The following MST1 variants were observed in gnomAD, a reference collection of about 807,000 sequenced individuals.
The protein encoded by MST1 is hepatocyte growth factor-like protein.
In MST1, 76 loss-of-function variants were observed where a neutral mutation model predicts 100.1. That is an observed-to-expected ratio of 0.76 (90% CI 0.63 to 0.92). The LOEUF is 0.92. MST1 is among the 40% of genes least tolerant of loss of function. The probability of loss-of-function intolerance (pLI) is 0.00; values close to 1 mark genes in which losing one functional copy is unlikely to be tolerated. For missense variants in MST1, 850 were observed against 990.0 expected (o/e 0.86, Z 1.90); for synonymous variants, 352 against 385.4 (o/e 0.91, Z 1.01).
chr3:49,684,797 T>A lies in MST1; in HGVS notation c.1710A>T (p.Pro570=), dbSNP rs1252635715. ...QHGEPSLQRV[P]VAKMVCGPSG... ...AGGGCCCACACACCATCTTGGCTAC[T>A]GGGACCCGCTGTAGGCTTGGCTCTC... Residue 570 remains proline (P), a synonymous_variant, in exon 15 of 18, where the codon CCA becomes CCT. Transcript: ENST00000449682. 1 of 1,613,520 alleles carries A rather than the reference T, an allele frequency of 6.2e-7. No individual in the cohort carries two copies. Among genetic ancestry groups the A allele is most frequent in the Non-Finnish European group, 8.5e-7 (1 of 1,179,866 alleles).
chr3:49,685,123 C>T, intron 13 of MST1, 34 bp from the exon 14 acceptor site: 1 of 1,604,946 alleles, frequency 6.2e-7, no homozygotes, highest in African/African-American at 1.3e-5. Context: ...AGGTAACAGA[C>T]TCCTGGGACA....
chr3:49,686,256 C>A (rs1265486988), intron 8 of MST1, 57 bp downstream of exon 8: 2 of 1,608,004 alleles, frequency 1.2e-6, no homozygotes, highest in Non-Finnish European at 8.5e-7. Flanking sequence ...TGACTACCTT[C>A]CTCCCGTCTC....
In MST1 at chr3:49,687,257, C is replaced by G. The variant is rs1177921840; in HGVS notation, c.499G>C (p.Glu167Gln). The G allele has an allele frequency of 1.9e-6, 3 of 1,613,518 alleles. No individual in the cohort carries two copies. The highest frequency in any genetic ancestry group is 2.5e-6 in the Non-Finnish European group (3 of 1,179,874). ...KYTPTLRNGL[E>Q]ENFCRNPDGD... ...TCAGGGTTACGGCAGAAGTTCTCTTCCAGGCCATTCCGGAGAGTGGGCGTG... is the reference window on the plus strand; with the variant it reads ...TCAGGGTTACGGCAGAAGTTCTCTTGCAGGCCATTCCGGAGAGTGGGCGTG... The change falls in exon 5 of 18, where the codon GAA becomes CAA. Residue 167 changes from glutamate to glutamine, a missense_variant. Around this residue, in one of 2 missense-constraint regions of MST1, gnomAD observed 816 missense variants for 924.6 expected, o/e 0.88. Transcript: ENST00000449682.
At position 49,687,447 on chromosome 3, in the gene MST1, C is replaced by G. The variant is rs1455569877; in HGVS notation, c.387G>C (p.Gly129=). Residue 129 remains glycine, a synonymous_variant, in exon 4 of 18, where the codon GGG becomes GGC. Coordinates refer to ENST00000449682, the MANE Select transcript of MST1 (RefSeq NM_020998.4). ...DYVRTCIMNN[G]VGYRGTMATT... ...TGGCCATGGTGCCCCGGTACCCAAC[C>G]CCATTGTTCATGATGCAGGTCCGTA... 12 of 1,613,312 alleles carry G rather than the reference C, an allele frequency of 7.4e-6. No homozygotes were observed. The African/African-American group carries it at 1.2e-4, about 16-fold the overall frequency.
In MST1 at chr3:49,684,099, G is replaced by C; in HGVS notation, c.2107C>G (p.Arg703Gly). ...ACACGCGTGAAGACAGCTGGCCAGC[G>C]GGACCTTGCGCATACTCGGTTGGGG... Reference protein sequence around the residue: ...IIPNRVCARSRWPAVFTRVSV... With the variant: ...IIPNRVCARSGWPAVFTRVSV... The change falls in exon 18 of 18, where the codon CGC becomes GGC. Residue 703 changes from arginine to glycine, a missense_variant. Physicochemically the swap from Arg to Gly is moderately radical, Grantham distance 125. Coordinates refer to ENST00000449682, the MANE Select transcript of MST1 (RefSeq NM_020998.4). 6.2e-7 allele frequency: 1 copy of C among 1,612,866 alleles called. No homozygotes were observed.
In MST1 at chr3:49,687,014, C is replaced by G. The variant is rs1318667322; in HGVS notation, c.661G>C (p.Glu221Gln). 1 of 1,611,512 alleles carries G rather than the reference C, an allele frequency of 6.2e-7. No homozygotes were observed. The highest frequency in any genetic ancestry group is 1.7e-5 in the Admixed American group (1 of 60,024). The change falls in exon 6 of 18, where the codon GAG becomes CAG. Residue 221 changes from glutamate to glutamine, a missense_variant. Coordinates refer to ENST00000449682, the MANE Select transcript of MST1 (RefSeq NM_020998.4). ...CAGCGCTGGCACTCGCGCCCTGACT[C>G]CGTGCGGTCTACCGCGCCGCGGTAT... ...EEYRGAVDRT[E>Q]SGRECQRWDL...
Position 49,684,410 on chromosome 3 carries a change from G to A in MST1, c.1920C>T (p.Val640=), listed in dbSNP as rs752041648. ...TGATGTTACACTCCTGGTTGGAGAT[G>A]ACATTCAGCAAGGCCACATTTAGGA... The part of the protein sequence containing the change: ...DTVLNVALLN[V]ISNQECNIKH... Residue 640 remains valine, a synonymous_variant, in exon 17 of 18, where the codon GTC becomes GTT. Transcript: ENST00000449682. The A allele has an allele frequency of 1.9e-6, 3 of 1,613,456 alleles. No homozygotes were observed. In the Admixed American group the frequency reaches 5.0e-5, roughly 27 times the overall value.
Position 49,687,077 on chromosome 3 carries a change from A to G in MST1, c.608-10T>C. 2 of 1,612,522 alleles carry G rather than the reference A, an allele frequency of 1.2e-6. No homozygotes were observed. Among genetic ancestry groups the G allele is most frequent in the Non-Finnish European group, 8.5e-7 (1 of 1,179,728 alleles). Reference sequence around the variant, plus strand: ...CACCAGACACACGCGGCTGGAGACAAAGAGCCAGTGGGTTCGTGGATGGAC... The same window carrying G: ...CACCAGACACACGCGGCTGGAGACAGAGAGCCAGTGGGTTCGTGGATGGAC... On this transcript the variant is annotated splice_polypyrimidine_tract_variant and intron_variant, in intron 5 of 17. Coordinates refer to ENST00000449682, the MANE Select transcript of MST1 (RefSeq NM_020998.4).
chr3:49,685,329 G>A lies in MST1; in HGVS notation c.1477C>T (p.Arg493Cys), dbSNP rs150169514. ...CCCCCAACCACGCGCAGCTTGGAAC[G>A]CCGCTGATCCAGCCGATCCACCCTC... ...GKRVDRLDQRRSKLRVVGGHP... is the reference protein window; with the variant it reads ...GKRVDRLDQRCSKLRVVGGHP... Residue 493 changes from arginine to cysteine, a missense_variant, in exon 13 of 18, where the codon CGT (arginine) becomes TGT (cysteine). Around this residue, in one of 2 missense-constraint regions of MST1, gnomAD observed 816 missense variants for 924.6 expected, o/e 0.88. Coordinates refer to ENST00000449682, the MANE Select transcript of MST1 (RefSeq NM_020998.4). 104 of 1,613,334 alleles carry A rather than the reference G, an allele frequency of 6.4e-5. No homozygotes were observed. The African/African-American group carries it at 9.6e-4, about 15-fold the overall frequency.
chr3:49,686,933 C>G lies in MST1; in HGVS notation c.728+14G>C, dbSNP rs369198768. ...TAGCCCGGCCCCCAGGACGCCGATA[C>G]CGCCTACGCGTACTTGCCCGGCTCG... On this transcript the variant is annotated intron_variant, in intron 6 of 17. Transcript: ENST00000449682. 6.0e-5 allele frequency: 96 copies of G among 1,611,478 alleles called. No individual in the cohort carries two copies. The highest frequency in any genetic ancestry group is 7.5e-5 in the Non-Finnish European group (89 of 1,179,682).
Position 49,685,010 on chromosome 3 carries a change from A to T in MST1, c.1622+2T>A. The T allele has an allele frequency of 6.2e-7, 1 of 1,612,210 alleles. No individual in the cohort carries two copies. The highest frequency in any genetic ancestry group is 8.5e-7 in the Non-Finnish European group (1 of 1,179,330). ...GGGTCCCCAAACACAAGGGAGGCTC[A>T]CCAGGAGGAGAAGCACTGCCGGGCA... On this transcript the variant is annotated splice_donor_variant, in intron 14 of 17. Coordinates refer to ENST00000449682, the MANE Select transcript of MST1 (RefSeq NM_020998.4). LOFTEE classifies it high-confidence loss of function.
chr3:49,687,264 A>T lies in MST1; in HGVS notation c.492T>A (p.Asn164Lys), dbSNP rs2053853699. ...TACGGCAGAAGTTCTCTTCCAGGCC[A>T]TTCCGGAGAGTGGGCGTGTACCTGA... ...NDHKYTPTLR[N>K]GLEENFCRNP... Residue 164 changes from asparagine (N) to lysine (K), a missense_variant, in exon 5 of 18, where the codon AAT becomes AAA. Asn to Lys is a moderately conservative substitution (Grantham distance 94). Coordinates refer to ENST00000449682, the MANE Select transcript of MST1 (RefSeq NM_020998.4). 2 of 1,613,400 alleles carry T rather than the reference A, an allele frequency of 1.2e-6. No individual in the cohort carries two copies. Among genetic ancestry groups the T allele is most frequent in the Non-Finnish European group, 1.7e-6 (2 of 1,179,880 alleles).
chr3:49,688,836 G>A lies in MST1; in HGVS notation c.-145C>T. On this transcript the variant is annotated 5_prime_UTR_variant, in exon 1 of 18. Coordinates refer to ENST00000449682, the MANE Select transcript of MST1 (RefSeq NM_020998.4). ...CAGGTCCCATAGGTCAGTTGCAAGG[G>A]CCTAGTACAGCTTAGTGGACAGGTG... is the stretch of plus-strand genomic sequence containing the variant. 1.6e-6 allele frequency: 1 copy of A among 606,154 alleles called. No homozygotes were observed. Among genetic ancestry groups the A allele is most frequent in the Non-Finnish European group, 2.9e-6 (1 of 339,980 alleles). 37.5% of individuals were successfully genotyped at this position (606,154 alleles called of 1,614,324 possible). A position where few individuals can be genotyped will look rare whatever the true frequency, so the allele number is the denominator to read the frequency against.
Position 49,687,020 on chromosome 3 carries a change from G to A in MST1, c.655C>T (p.Arg219Cys), listed in dbSNP as rs778697677. ...TGGCACTCGCGCCCTGACTCCGTGC[G>A]GTCTACCGCGCCGCGGTATTCCTCG... ...NGEEYRGAVDRTESGRECQRW... is the reference protein window; with the variant it reads ...NGEEYRGAVDCTESGRECQRW... Residue 219 changes from arginine to cysteine, a missense_variant, in exon 6 of 18, where the codon CGC becomes TGC. Arg to Cys is a radical substitution (Grantham distance 180). Transcript: ENST00000449682. 6.2e-7 allele frequency: 1 copy of A among 1,611,514 alleles called. No homozygotes were observed. The highest frequency in any genetic ancestry group is 8.5e-7 in the Non-Finnish European group (1 of 1,179,830).
At chr3:49,685,569 C>G in intron 11 of MST1, 27 bp downstream of exon 11, 1 of 1,613,244 alleles carries the variant, frequency 6.2e-7, no homozygotes, top group Non-Finnish European at 8.5e-7. Context: ...GAGGCAGGGT[C>G]ATGGGGGAAG....
Position 49,685,084 on chromosome 3 carries a change from C to G in MST1, c.1550G>C (p.Gly517Ala), listed in dbSNP as rs1188323172. Residue 517 changes from glycine (G) to alanine (A), a missense_variant, in exon 14 of 18, where the codon GGC becomes GCC. By Grantham distance (60) the Gly-to-Ala change is moderately conservative. This residue lies in a region of MST1 where 816 missense variants were observed against 924.6 expected (regional missense o/e 0.88). Coordinates refer to ENST00000449682, the MANE Select transcript of MST1 (RefSeq NM_020998.4). The stretch of plus-strand genomic sequence containing the variant: ...TAGAGACCCCCCGCAGAAATGCTGG[C>G]CCTGCCTAGAGGAGTGGGGAATTAG... ...PWTVSLRNRQ[G>A]QHFCGGSLVK... The G allele has an allele frequency of 6.2e-7, 1 of 1,610,440 alleles. No individual in the cohort carries two copies. The highest frequency in any genetic ancestry group is 1.7e-5 in the Admixed American group (1 of 59,664).
intron 14 of MST1, 33 bp downstream of exon 14, chr3:49,684,979 G>T: frequency 1.2e-6 from 2 of 1,612,844 alleles, no homozygotes; most frequent in Non-Finnish European, 1.7e-6. Context: ...AAGGTGGGAT[G>T]AGACTGGGTC....
chr3:49,688,212 T>C (rs1390969932), intron 1 of MST1: 1 of 484,760 alleles, frequency 2.1e-6, no homozygotes, highest in Non-Finnish European at 3.7e-6. Flanking sequence ...ATCTCTCAAA[T>C]GAGAATGCTA....
rs147651287 is a variant in MST1 at position 49,687,892 on chromosome 3, G to A, written c.100C>T (p.Arg34Cys). The A allele has an allele frequency of 4.0e-5, 64 of 1,613,134 alleles. No individual in the cohort carries two copies. The East Asian group carries it at 8.9e-4, about 22-fold the overall frequency. Residue 34 changes from arginine (R) to cysteine (C), a missense_variant, in exon 2 of 18, where the codon CGC becomes TGC. Arg to Cys is a radical substitution (Grantham distance 180, BLOSUM62 -3). This residue lies in a region of MST1 where 34 missense variants were observed against 65.5 expected (regional missense o/e 0.52). Transcript: ENST00000449682. ...ACTTGGAAGTCATTCAATGGCGAGC[G>A]CTGCCCTGCAGAGTAGGCATGAGTG... ...LTQCLGVPGQRSPLNDFQVLR... is the reference protein window; with the variant it reads ...LTQCLGVPGQCSPLNDFQVLR...
Sources: gnomAD v4.1 joint callset for allele counts on GRCh38, gnomAD v4.1.1 for gene constraint, gnomAD v4.1.1 regional missense constraint, MANE v1.5 for transcripts, NCBI Gene and HGNC (gene_info 2026-07-23, HGNC 2026-07-21) for gene names.